COL11A1: variants seen among roughly 807,000 people sequenced by gnomAD.
COL11A1 encodes the protein collagen alpha-1(XI) chain.
In COL11A1, 74 loss-of-function variants were observed where a neutral mutation model predicts 265.2. The ratio of observed to expected loss-of-function variants is 0.28; its 90% confidence interval spans 0.23 to 0.34. The LOEUF is 0.34. Among genes scored for constraint, COL11A1 ranks in the 10% least tolerant of loss-of-function variants. The pLI, the probability that COL11A1 is intolerant of heterozygous loss-of-function variation, is 1.00. For synonymous variants in COL11A1, 816 were observed against 727.6 expected (o/e 1.12, Z -1.96); for missense variants, 2,165 against 2,263.6 (o/e 0.96, Z 0.88).
intron 4 of COL11A1, 51 bp downstream of exon 4, chr1:103,074,567 C>G (rs746549930): frequency 6.3e-7 from 1 of 1,595,750 alleles, no homozygotes; most frequent in South Asian, 1.1e-5. Context: ...TGTTGTTAAC[C>G]CAGTTCATCT....
At chr1:102,966,759 A>T (rs1289893942) in intron 37 of COL11A1, among the ~76,000 whole-genome samples, 12 of 152,060 alleles carry the variant, frequency 7.9e-5, no homozygotes, top group Non-Finnish European at 1.8e-4. Flanking sequence ...GTGTCCCTGG[A>T]TTATCTCAAC....
intron 61 of COL11A1, 30 bp from the exon 62 acceptor site, chr1:102,888,660 A>T: frequency 3.1e-6 from 5 of 1,613,704 alleles, no homozygotes; most frequent in Non-Finnish European, 4.2e-6. Flanking sequence ...GGACATAAAT[A>T]AAGAAGAGGC....
intron 4 of COL11A1, among the ~76,000 whole-genome samples, chr1:103,065,649 T>C (rs976059684): frequency 3.5e-5 from 5 of 142,744 alleles, no homozygotes; most frequent in African/African-American, 1.3e-4. Context: ...TCAGGAAGAG[T>C]TTTTAAAACA....
intron 66 of COL11A1, 92 bp downstream of exon 66, chr1:102,879,591 T>C (rs1649970190): frequency 2.7e-6 from 3 of 1,103,966 alleles, no homozygotes; most frequent in Non-Finnish European, 4.1e-6. Context: ...CTGACGTCCA[T>C]TTCATGAGAA....
chr1:103,017,964 G>C (rs1215571455), intron 10 of COL11A1, 82 bp from the exon 11 acceptor site: 1 of 1,096,982 alleles, frequency 9.1e-7, no homozygotes, highest in African/African-American at 1.5e-5. Context: ...CTATCGAAGA[G>C]TTCGTTTATA....
At chr1:102,982,336 C>T (rs1050037984) in intron 31 of COL11A1, among the ~76,000 whole-genome samples, 1 of 151,926 alleles carries the variant, frequency 6.6e-6, no homozygotes, top group Non-Finnish European at 1.5e-5. Context: ...AAATTCTACT[C>T]ATTCATGTAA....
intron 15 of COL11A1, among the ~76,000 whole-genome samples, chr1:103,007,628 A>C (rs545183175): frequency 6.6e-6 from 1 of 152,066 alleles, no homozygotes; most frequent in African/African-American, 2.4e-5. Context: ...GAGGCCCAGG[A>C]GGGCAGATTG....
chr1:102,931,195 TTTTGGA>T (rs1295764272), intron 46 of COL11A1, among the ~76,000 whole-genome samples: 4 of 148,460 alleles, frequency 2.7e-5, no homozygotes, highest in African/African-American at 9.9e-5. Context: ...AGGGTGTCAA[TTTTGGA>T]TCTTTCCTGC....
At chr1:103,094,927 C>T (rs143704141) in intron 1 of COL11A1, among the ~76,000 whole-genome samples, 5 of 152,136 alleles carry the variant, frequency 3.3e-5, no homozygotes, top group African/African-American at 9.6e-5. Flanking sequence ...ACATAAAATA[C>T]ATGATTCTGA....
chr1:103,087,049 G>C (rs1672931924), intron 1 of COL11A1, among the ~76,000 whole-genome samples: 1 of 151,954 alleles, frequency 6.6e-6, no homozygotes, highest in Non-Finnish European at 1.5e-5. Flanking sequence ...TTTATATTTT[G>C]CTAACTGCAA....
intron 8 of COL11A1, 63 bp downstream of exon 8, chr1:103,022,679 C>T: frequency 1.3e-6 from 2 of 1,595,684 alleles, no homozygotes; most frequent in Non-Finnish European, 1.7e-6. Context: ...TTAAGATGGA[C>T]ATGGACATAA....
At chr1:102,959,204 A>G (rs1277592358) in intron 41 of COL11A1, among the ~76,000 whole-genome samples, 1 of 152,242 alleles carries the variant, frequency 6.6e-6, no homozygotes, top group Non-Finnish European at 1.5e-5. Context: ...CATTTCAAAT[A>G]TTCAAATGAC....
intron 14 of COL11A1, 70 bp from the exon 15 acceptor site, chr1:103,008,586 C>T (rs1401855796): frequency 3.4e-6 from 4 of 1,182,886 alleles, no homozygotes; most frequent in Non-Finnish European, 3.8e-6. Flanking sequence ...CTGCCAATTG[C>T]ACCTGAAATA....
chr1:102,955,145 A>G (rs1660248179), intron 41 of COL11A1, among the ~76,000 whole-genome samples: 1 of 152,144 alleles, frequency 6.6e-6, no homozygotes, highest in Non-Finnish European at 1.5e-5. Flanking sequence ...AAATGTATAG[A>G]GTCTGACTTG....
At chr1:103,069,652 C>G (rs566687852) in intron 4 of COL11A1, among the ~76,000 whole-genome samples, 1 of 151,812 alleles carries the variant, frequency 6.6e-6, no homozygotes, top group South Asian at 2.1e-4. Flanking sequence ...AAACATATAT[C>G]AGACAAAAAA....
In COL11A1 at chr1:102,966,629, C is replaced by T. The variant is rs796094612; in HGVS notation, c.2863-1089G>A. 3.0e-4 allele frequency among the ~76,000 whole-genome samples: 45 copies of T among 152,224 alleles called. 1 individual carries two copies. The highest frequency in any genetic ancestry group is 9.6e-4 in the African/African-American group (40 of 41,536). ...GGGAAATGTCATAAAATTTATTTAG[C>T]ATTTTATAAGCATATTAGTCGCTTA... On this transcript the variant is annotated intron_variant, in intron 37 of 66. Coordinates refer to ENST00000370096, the MANE Select transcript of COL11A1 (RefSeq NM_001854.4).
In COL11A1 at chr1:103,017,386, GAA is replaced by G. The variant is rs749701400; in HGVS notation, c.1413+432_1413+433del. 3.9e-5 allele frequency among the ~76,000 whole-genome samples: 6 copies of G among 152,218 alleles called. No homozygotes were observed. The East Asian group carries it at 1.2e-3, about 29-fold the overall frequency. On this transcript the variant is annotated intron_variant, in intron 11 of 66. Transcript: ENST00000370096. ...GAAAAAAGGGAAGGTTATTTTATGAGAAGAGTTTGGAGAGACTTAACACAAAT... is the reference window on the plus strand; with the variant it reads ...GAAAAAAGGGAAGGTTATTTTATGAGGAGTTTGGAGAGACTTAACACAAAT...
chr1:102,981,455 A>G (rs1663032641), intron 31 of COL11A1, among the ~76,000 whole-genome samples: 1 of 152,048 alleles, frequency 6.6e-6, no homozygotes, highest in Non-Finnish European at 1.5e-5. Flanking sequence ...ATATTTATAG[A>G]TACTTCATTT....
At chr1:102,977,952 A>C (rs1354937239) in intron 35 of COL11A1, among the ~76,000 whole-genome samples, 2 of 152,138 alleles carry the variant, frequency 1.3e-5, no homozygotes, top group East Asian at 3.9e-4. Flanking sequence ...ATGCATTGCA[A>C]GGTATTTCTG....
Sources: gnomAD v4.1 joint callset for allele counts (sites outside exome capture counted in the v4.1 genomes callset) on GRCh38, gnomAD v4.1.1 for gene constraint, MANE v1.5 for transcripts, NCBI Gene and HGNC (gene_info 2026-07-23, HGNC 2026-07-21) for gene names.